Variants in IL1R1 observed in about 807,000 individuals in gnomAD.
IL1R1 encodes the protein interleukin-1 receptor type 1.
IL1R1 carries 22 observed loss-of-function variants against 50.2 expected under a neutral mutation model. The ratio of observed to expected loss-of-function variants is 0.44; its 90% CI spans 0.31 to 0.63. IL1R1 has a LOEUF of 0.63. Among genes scored for constraint, IL1R1 ranks in the 20% least tolerant of loss-of-function variants. The pLI, the probability that IL1R1 is intolerant of heterozygous loss-of-function variation, is 0.07. For missense variants in IL1R1, 509 were observed against 676.2 expected (o/e 0.75, Z 2.74); for synonymous variants, 251 against 236.7 (o/e 1.06, Z -0.55).
At chr2:102,121,464 C>T (rs1681402235) in intron 1 of IL1R1, among the ~76,000 whole-genome samples, 1 of 152,224 alleles carries the variant, frequency 6.6e-6, no homozygotes, top group Admixed American at 6.5e-5. Flanking sequence ...GACTCAGTTT[C>T]TACTCCTTCT....
At chr2:102,099,551 G>T (rs1001653246) in intron 1 of IL1R1, among the ~76,000 whole-genome samples, 1 of 152,134 alleles carries the variant, frequency 6.6e-6, no homozygotes, top group South Asian at 2.1e-4. Context: ...TAGTCTAAGG[G>T]CCTGTGGGAG....
chr2:102,102,171 A>T (rs1436962909), upstream of IL1R1, among the ~76,000 whole-genome samples: 1 of 152,188 alleles, frequency 6.6e-6, no homozygotes, highest in Non-Finnish European at 1.5e-5. Context: ...ATAGCCTGGA[A>T]TTGGAAGGTC....
chr2:102,111,879 T>C (rs1301317732), intron 1 of IL1R1, among the ~76,000 whole-genome samples: 1 of 152,102 alleles, frequency 6.6e-6, no homozygotes, highest in African/African-American at 2.4e-5. Flanking sequence ...AAGATAGAGG[T>C]GACCAACTGA....
At chr2:102,086,241 T>A (rs1679424192) in intron 1 of IL1R1, among the ~76,000 whole-genome samples, 1 of 152,186 alleles carries the variant, frequency 6.6e-6, no homozygotes, top group South Asian at 2.1e-4. Context: ...TTTAGTTTTC[T>A]TTAGGTGCTT....
rs529835928 is a variant in IL1R1 at position 102,098,174 on chromosome 2, A to T, written c.-84+27641A>T. Among the ~76,000 whole-genome samples, 34 of 152,238 alleles carry T rather than the reference A, an allele frequency of 2.2e-4. No individual in the cohort carries two copies. In the East Asian group the frequency reaches 6.6e-3, roughly 29 times the overall value. ...GTAAGGGAAAAACTGTTATTAATAGATGCAAAAATAGTTTTTCATAATATC... is the reference window on the plus strand; with the variant it reads ...GTAAGGGAAAAACTGTTATTAATAGTTGCAAAAATAGTTTTTCATAATATC... On this transcript the variant is annotated intron_variant, in intron 1 of 11. Coordinates refer to the IL1R1 transcript ENST00000409929.
chr2:102,133,431 C>T lies in IL1R1; in HGVS notation c.-83-20510C>T, dbSNP rs569017071. Among the ~76,000 whole-genome samples the T allele has an allele frequency of 2.6e-5, 4 of 152,224 alleles. No individual in the cohort carries two copies. The South Asian group carries it at 8.3e-4, about 32-fold the overall frequency. ...CCAACTCTGTGAGGCTAATATTACCCAGATATCAAAACCAAACAGGACATT... is the reference window on the plus strand; with the variant it reads ...CCAACTCTGTGAGGCTAATATTACCTAGATATCAAAACCAAACAGGACATT... On this transcript the variant is annotated intron_variant, in intron 1 of 10. Coordinates refer to the IL1R1 transcript ENST00000409329.
chr2:102,135,270 A>G (rs954335487), intron 1 of IL1R1, among the ~76,000 whole-genome samples: 2 of 127,818 alleles, frequency 1.6e-5, no homozygotes, highest in African/African-American at 4.9e-5. Context: ...GGCGGTACCT[A>G]CAATAAAAAA....
chr2:102,073,950 G>A (rs1678850723), intron 1 of IL1R1, among the ~76,000 whole-genome samples: 1 of 152,122 alleles, frequency 6.6e-6, no homozygotes, highest in African/African-American at 2.4e-5. Context: ...CAAACAGGTC[G>A]AGGGACTTAT....
chr2:102,120,683 C>A (rs1013660855), intron 1 of IL1R1, among the ~76,000 whole-genome samples: 1 of 152,174 alleles, frequency 6.6e-6, no homozygotes, highest in African/African-American at 2.4e-5. Flanking sequence ...TTTCCTGAAG[C>A]AGAAGCTTGT....
rs565713120 is a variant in IL1R1 at position 102,168,756 on chromosome 2, A to C, written c.721+93A>C. The C allele has an allele frequency of 6.0e-5, 53 of 890,404 alleles. No homozygotes were observed. In the African/African-American group the frequency reaches 7.5e-4, roughly 13 times the overall value. 55.2% of individuals were successfully genotyped at this position (890,404 alleles called of 1,614,324 possible). On this transcript the variant is annotated intron_variant, in intron 7 of 11. Transcript: ENST00000410023. Reference sequence around the variant, plus strand: ...ATTGTATCTTTACTATATATAATCTAAGCCATTTACTGTATAAATCTATCA... The same window carrying C: ...ATTGTATCTTTACTATATATAATCTCAGCCATTTACTGTATAAATCTATCA...
intron 1 of IL1R1, among the ~76,000 whole-genome samples, chr2:102,082,195 C>T (rs943887260): frequency 1.3e-5 from 2 of 151,790 alleles, no homozygotes; most frequent in Admixed American, 6.6e-5. Flanking sequence ...CTATACATTG[C>T]CTTAATTAAT....
intron 1 of IL1R1, among the ~76,000 whole-genome samples, chr2:102,127,944 C>T (rs1433417286): frequency 6.6e-6 from 1 of 152,176 alleles, no homozygotes; most frequent in African/African-American, 2.4e-5. Context: ...TGAAACTTCT[C>T]ATTCCAACCT....
intron 7 of IL1R1, among the ~76,000 whole-genome samples, chr2:102,169,748 G>A (rs1685510488): frequency 2.0e-5 from 3 of 152,192 alleles, no homozygotes; most frequent in Admixed American, 2.0e-4. Flanking sequence ...AAACAAAAAT[G>A]TCAAAACTCA....
At chr2:102,092,372 TA>T (rs1015465719) in intron 1 of IL1R1, among the ~76,000 whole-genome samples, 5 of 151,938 alleles carry the variant, frequency 3.3e-5, no homozygotes, top group East Asian at 1.9e-4. Context: ...CTTTGATTCT[TA>T]AAAAAAATAC....
intron 1 of IL1R1, among the ~76,000 whole-genome samples, chr2:102,152,736 G>A (rs191743700): frequency 2.1e-4 from 32 of 152,162 alleles, no homozygotes; most frequent in African/African-American, 6.7e-4. Context: ...AGGACTGGGA[G>A]CGGGAGGATG....
chr2:102,142,822 AGGAGCCGGAGAGCGGCC>A lies in IL1R1; in HGVS notation c.-279_-263del, dbSNP rs1434437478. 6.8e-6 allele frequency: 1 copy of A among 147,424 alleles called. No individual in the cohort carries two copies. The highest frequency in any genetic ancestry group is 1.5e-5 in the Non-Finnish European group (1 of 66,424). The allele number at this position is 147,424 out of a possible 1,614,324, so 9.1% of individuals were successfully genotyped here. On this transcript the variant is annotated 5_prime_UTR_variant, in exon 1 of 12. Coordinates refer to ENST00000410023, the MANE Select transcript of IL1R1 (RefSeq NM_000877.4). ...CTCGGAGCGCGCGGCGCCGGCCGGG[AGGAGCCGGAGAGCGGCC>A]GGGCCGGGCGGTGGGGGCGCCGGCC...
upstream of IL1R1, chr2:102,141,952 A>G (rs1682677222): frequency 1.3e-5 from 2 of 152,284 alleles, no homozygotes; most frequent in South Asian, 4.1e-4. Context: ...TCGCTGCATG[A>G]CCTTGGCCAT....
chr2:102,110,772 C>T (rs1461610948), intron 1 of IL1R1, among the ~76,000 whole-genome samples: 1 of 151,916 alleles, frequency 6.6e-6, no homozygotes, highest in Non-Finnish European at 1.5e-5. Flanking sequence ...GCTGTGTGTC[C>T]AGTCATGGGA....
intron 3 of IL1R1, among the ~76,000 whole-genome samples, chr2:102,164,126 C>T (rs536435500): frequency 1.3e-5 from 2 of 152,042 alleles, no homozygotes; most frequent in Non-Finnish European, 1.5e-5. Flanking sequence ...TTCTTATATG[C>T]TTACACTGAC....
Sources: allele counts gnomAD v4.1 joint callset (sites outside exome capture counted in the v4.1 genomes callset), GRCh38; gene constraint gnomAD v4.1.1; transcripts MANE v1.5; gene names NCBI Gene and HGNC (gene_info 2026-07-23, HGNC 2026-07-21).